The following ZFPM2 variants were observed in gnomAD, a reference collection of about 807,000 sequenced individuals.
The protein encoded by ZFPM2 is zinc finger protein ZFPM2.
A neutral mutation model predicts 98.6 loss-of-function variants in ZFPM2; 20 were observed. That is an observed-to-expected ratio of 0.20 (90% CI 0.14 to 0.29). The LOEUF (loss-of-function observed/expected upper bound fraction) is 0.29. Among genes scored for constraint, ZFPM2 ranks in the 10% least tolerant of loss-of-function variants. The pLI is 1.00. For synonymous variants in ZFPM2, 518 were observed against 502.7 expected, an observed-to-expected ratio of 1.03 and a Z score of -0.41; for missense variants, 1,310 against 1,388.6, an observed-to-expected ratio of 0.94 and a Z score of 0.90.
chr8:105,457,549 A>T (rs903821102), intron 3 of ZFPM2, among the ~76,000 whole-genome samples: 1 of 152,208 alleles, frequency 6.6e-6, no homozygotes, highest in African/African-American at 2.4e-5. Flanking sequence ...AGGCATTCAC[A>T]GTGTGCAGTG....
At chr8:105,381,353 C>T (rs1211476424) in intron 1 of ZFPM2, among the ~76,000 whole-genome samples, 1 of 151,812 alleles carries the variant, frequency 6.6e-6, no homozygotes, top group Non-Finnish European at 1.5e-5. Context: ...TTTTTGATCA[C>T]CAATCACAGC....
At chr8:105,484,867 C>A (rs1230592978) in intron 3 of ZFPM2, among the ~76,000 whole-genome samples, 2 of 152,182 alleles carry the variant, frequency 1.3e-5, no homozygotes, top group Non-Finnish European at 2.9e-5. Context: ...TATTTGTCAG[C>A]TTTGCCCTAG....
chr8:105,690,616 C>G (rs1261440574), intron 5 of ZFPM2, among the ~76,000 whole-genome samples: 1 of 152,104 alleles, frequency 6.6e-6, no homozygotes, highest in African/African-American at 2.4e-5. Context: ...TGAGACTCAC[C>G]TTGGACACCT....
rs573776241 is a variant in ZFPM2, at chr8:105,374,141, A to G, written c.41-45003A>G. ...ACTATCTCTCAATTCAGTAATATGTAGGTTTTGTATAGGCAGAGCCTAGAG... is the reference window on the plus strand; with the variant it reads ...ACTATCTCTCAATTCAGTAATATGTGGGTTTTGTATAGGCAGAGCCTAGAG... On this transcript the variant is annotated intron_variant, in intron 1 of 7. Coordinates refer to ENST00000407775, the MANE Select transcript of ZFPM2 (RefSeq NM_012082.4). Among the ~76,000 whole-genome samples the G allele has an allele frequency of 1.2e-4, 18 of 152,298 alleles. No homozygotes were observed. In the East Asian group the frequency reaches 3.5e-3, roughly 29 times the overall value.
Position 105,413,968 on chromosome 8 carries a change from A to T in ZFPM2, c.41-5176A>T, listed in dbSNP as rs117984838. On this transcript the variant is annotated intron_variant, in intron 1 of 7. Coordinates refer to ENST00000407775, the MANE Select transcript of ZFPM2 (RefSeq NM_012082.4). The stretch of plus-strand genomic sequence containing the variant: ...TGTGCACACTGTGATGGATTATTGT[A>T]ATTATTGGGAATGATAATATTTTAA... Among the ~76,000 whole-genome samples the T allele has an allele frequency of 9.1e-3, 1,381 of 152,074 alleles. 15 individuals carry two copies. The highest frequency in any genetic ancestry group is 0.016 in the Non-Finnish European group (1,073 of 67,924).
chr8:105,506,944 C>T (rs1311169343), intron 3 of ZFPM2, among the ~76,000 whole-genome samples: 1 of 146,962 alleles, frequency 6.8e-6, no homozygotes, highest in Non-Finnish European at 1.5e-5. Flanking sequence ...GCCAAGATTG[C>T]GCCACTGCAC....
intron 6 of ZFPM2, chr8:105,798,129 A>AT (rs1813889018): frequency 6.6e-6 from 1 of 152,174 alleles, no homozygotes; most frequent in Non-Finnish European, 1.5e-5. Context: ...ATAAATGAAT[A>AT]TTTTTTCTAA....
At position 105,417,305 on chromosome 8, in the gene ZFPM2, A is replaced by T. The variant is rs187106192; in HGVS notation, c.41-1839A>T. ...CTTACTTCACTGGATTATTTTAAAG[A>T]TCATGTAAGAAAGTGCTTTGAATAG... On this transcript the variant is annotated intron_variant, in intron 1 of 7. Transcript: ENST00000407775. Among the ~76,000 whole-genome samples the T allele has an allele frequency of 4.6e-5, 7 of 152,270 alleles. No individual in the cohort carries two copies. In the East Asian group the frequency reaches 1.2e-3, roughly 25 times the overall value.
intron 1 of ZFPM2, among the ~76,000 whole-genome samples, chr8:105,409,913 AC>A (rs1427359810): frequency 6.6e-6 from 1 of 151,808 alleles, no homozygotes; most frequent in Non-Finnish European, 1.5e-5. Flanking sequence ...AACTTGGAGA[AC>A]CCTGTGGGCT....
At chr8:105,517,837 A>T (rs1813969849) in intron 3 of ZFPM2, among the ~76,000 whole-genome samples, 3 of 152,058 alleles carry the variant, frequency 2.0e-5, no homozygotes, top group Admixed American at 1.3e-4. Context: ...ACATGAGCCC[A>T]GGAGGTCCAG....
At chr8:105,690,780 G>A (rs543447669) in intron 5 of ZFPM2, 1 of 152,216 alleles carries the variant, frequency 6.6e-6, no homozygotes, top group South Asian at 2.1e-4. Context: ...TGAATAATGT[G>A]TTTATACTCC....
chr8:105,392,473 C>T (rs576166607), intron 1 of ZFPM2, among the ~76,000 whole-genome samples: 1 of 152,260 alleles, frequency 6.6e-6, no homozygotes, highest in African/African-American at 2.4e-5. Flanking sequence ...CATCGTAGCA[C>T]ATATACTTGT....
At chr8:105,405,328 G>A (rs1484530246) in intron 1 of ZFPM2, among the ~76,000 whole-genome samples, 3 of 151,538 alleles carry the variant, frequency 2.0e-5, no homozygotes, top group African/African-American at 4.9e-5. Flanking sequence ...TGTGCACAAC[G>A]TGCAGGTTTG....
At chr8:105,451,958 A>C (rs942266708) in intron 3 of ZFPM2, among the ~76,000 whole-genome samples, 2 of 152,324 alleles carry the variant, frequency 1.3e-5, no homozygotes, top group Middle Eastern at 3.4e-3. Flanking sequence ...TGAAACCTTC[A>C]AAAGACTGGA....
intron 5 of ZFPM2, among the ~76,000 whole-genome samples, chr8:105,636,962 T>G (rs1816858346): frequency 6.6e-6 from 1 of 152,130 alleles, no homozygotes; most frequent in African/African-American, 2.4e-5. Context: ...GATAAAAGAC[T>G]TAAGTAGGGT....
intron 3 of ZFPM2, among the ~76,000 whole-genome samples, chr8:105,492,059 G>C (rs1474534570): frequency 6.6e-6 from 1 of 152,034 alleles, no homozygotes; most frequent in Non-Finnish European, 1.5e-5. Context: ...GATTATTATA[G>C]TAGTTCCAGT....
intron 1 of ZFPM2, among the ~76,000 whole-genome samples, chr8:105,329,292 C>T (rs1056394952): frequency 1.3e-5 from 2 of 151,782 alleles, no homozygotes; most frequent in Non-Finnish European, 2.9e-5. Flanking sequence ...CAAGTAATGT[C>T]GAGCTCCCAC....
chr8:105,567,760 G>A (rs748913441), intron 4 of ZFPM2, among the ~76,000 whole-genome samples: 4 of 151,810 alleles, frequency 2.6e-5, no homozygotes, highest in African/African-American at 4.8e-5. Context: ...GTACATAATC[G>A]GTATTCAATA....
At chr8:105,639,138 T>G (rs997410062) in intron 5 of ZFPM2, among the ~76,000 whole-genome samples, 19 of 152,188 alleles carry the variant, frequency 1.2e-4, no homozygotes, top group African/African-American at 4.6e-4. Context: ...CCTGCCCACT[T>G]ACTCCTAAAA....
Sources: allele counts gnomAD v4.1 joint callset (sites outside exome capture counted in the v4.1 genomes callset), GRCh38; gene constraint gnomAD v4.1.1; transcripts MANE v1.5; gene names NCBI Gene and HGNC (gene_info 2026-07-23, HGNC 2026-07-21).